Variants in ATP6V1H observed in about 807,000 individuals in gnomAD.
ATP6V1H encodes V-type proton ATPase subunit H.
A neutral mutation model predicts 71.7 loss-of-function variants in ATP6V1H; 39 were observed. That is an observed-to-expected ratio of 0.54 (90% CI 0.42 to 0.71). The LOEUF is 0.71. ATP6V1H is among the 30% of genes least tolerant of loss of function. ATP6V1H has a pLI of 0.00. For missense variants in ATP6V1H, 509 were observed against 594.9 expected, an observed-to-expected ratio of 0.86 and a Z score of 1.50; for synonymous variants, 192 against 199.3, an observed-to-expected ratio of 0.96 and a Z score of 0.31.
chr8:53,785,536 C>T (rs896393779), intron 9 of ATP6V1H, among the ~76,000 whole-genome samples: 5 of 152,210 alleles, frequency 3.3e-5, no homozygotes, highest in Admixed American at 6.5e-5. Context: ...CTTCTCTCAA[C>T]TCGTCAAAGT....
chr8:53,824,179 G>GAGAT (rs1315470844), intron 4 of ATP6V1H, among the ~76,000 whole-genome samples: 3 of 152,200 alleles, frequency 2.0e-5, no homozygotes, highest in African/African-American at 7.2e-5. Context: ...ACCACCATTT[G>GAGAT]AGATAGAAAG....
rs372615176 is a variant in ATP6V1H, at chr8:53,801,580, G to A, written c.677+219C>T. ...CTGGAATCTGTCTTGTTAAGCATTA[G>A]GTTCTTAAGAGGCCTTAACCTCTTA... is the stretch of plus-strand genomic sequence containing the variant. On this transcript the variant is annotated intron_variant, in intron 8 of 13. Transcript: ENST00000359530. Among the ~76,000 whole-genome samples, 89 of 151,872 alleles carry A rather than the reference G, an allele frequency of 5.9e-4. 3 individuals carry two copies. The South Asian group carries it at 0.018, about 31-fold the overall frequency.
At chr8:53,756,872 A>T (rs1379460746) in intron 11 of ATP6V1H, among the ~76,000 whole-genome samples, 1 of 152,242 alleles carries the variant, frequency 6.6e-6, no homozygotes, top group Non-Finnish European at 1.5e-5. Context: ...CACCATGCAC[A>T]ATTTCCAAAA....
intron 11 of ATP6V1H, among the ~76,000 whole-genome samples, chr8:53,762,763 G>A (rs1459879171): frequency 6.6e-6 from 1 of 152,130 alleles, no homozygotes; most frequent in African/African-American, 2.4e-5. Context: ...TCTATTCACA[G>A]ATGACATAAT....
intron 11 of ATP6V1H, among the ~76,000 whole-genome samples, chr8:53,762,179 T>A (rs571578939): frequency 1.3e-5 from 2 of 152,016 alleles, no homozygotes; most frequent in South Asian, 4.2e-4. Context: ...AGCACAGATA[T>A]AAACTACTTC....
intron 11 of ATP6V1H, among the ~76,000 whole-genome samples, chr8:53,756,950 T>C (rs1048821145): frequency 2.0e-5 from 3 of 152,146 alleles, no homozygotes; most frequent in Non-Finnish European, 2.9e-5. Flanking sequence ...AAACTACCAA[T>C]AGATCTTTTC....
At chr8:53,820,396 C>CA (rs201422531) in intron 4 of ATP6V1H, among the ~76,000 whole-genome samples, 52 of 143,084 alleles carry the variant, frequency 3.6e-4, no homozygotes, top group East Asian at 3.0e-3. Flanking sequence ...AAAATGAGAC[C>CA]AAAAAAAAAA....
intron 2 of ATP6V1H, among the ~76,000 whole-genome samples, chr8:53,834,254 A>C (rs769723999): frequency 4.6e-5 from 7 of 152,220 alleles, no homozygotes; most frequent in Admixed American, 2.0e-4. Flanking sequence ...CCAGTAAAAC[A>C]GCAACTATGA....
intron 7 of ATP6V1H, among the ~76,000 whole-genome samples, chr8:53,809,958 T>C (rs557010613): frequency 1.4e-4 from 21 of 152,128 alleles, no homozygotes; most frequent in Non-Finnish European, 2.8e-4. Context: ...GCCTAACATA[T>C]GAGTCATCAA....
In ATP6V1H at chr8:53,825,328, C is replaced by T. The variant is rs144176868; in HGVS notation, c.306+4116G>A. 6.4e-3 allele frequency among the ~76,000 whole-genome samples: 970 copies of T among 152,126 alleles called. 4 individuals carry two copies. The highest frequency in any genetic ancestry group is 0.023 in the African/African-American group (940 of 41,528). The stretch of plus-strand genomic sequence containing the variant: ...CTAGGATTACAGGCATGAGCTACTG[C>T]CAGGCCTTGTTTTGATTTTTTTTTT... On this transcript the variant is annotated intron_variant, in intron 4 of 13. Coordinates refer to ENST00000359530, the MANE Select transcript of ATP6V1H (RefSeq NM_015941.4).
At chr8:53,787,830 T>C (rs985565168) in intron 9 of ATP6V1H, among the ~76,000 whole-genome samples, 1 of 152,156 alleles carries the variant, frequency 6.6e-6, no homozygotes, top group Non-Finnish European at 1.5e-5. Context: ...ATAAGTGAGA[T>C]TGACATTTTC....
chr8:53,762,323 C>A (rs1002336329), intron 11 of ATP6V1H, among the ~76,000 whole-genome samples: 7 of 151,594 alleles, frequency 4.6e-5, no homozygotes, highest in Admixed American at 1.3e-4. Flanking sequence ...GTAACATTAT[C>A]CAAAGGAAAT....
Position 53,813,792 on chromosome 8 carries a change from TAGAGCTAGAA to T in ATP6V1H, c.525+860_525+869del, listed in dbSNP as rs540137187. Among the ~76,000 whole-genome samples, 377 of 152,200 alleles carry T rather than the reference TAGAGCTAGAA, an allele frequency of 2.5e-3. 4 individuals carry two copies. Among genetic ancestry groups the T allele is most frequent in the African/African-American group, 8.4e-3 (350 of 41,516 alleles). On this transcript the variant is annotated intron_variant, in intron 6 of 13. Coordinates refer to ENST00000359530, the MANE Select transcript of ATP6V1H (RefSeq NM_015941.4). The stretch of plus-strand genomic sequence containing the variant: ...CAGGCTATCTTCCTCCACGAAGACA[TAGAGCTAGAA>T]AGGCCTGCAAGCAACCAACATGACC...
intron 13 of ATP6V1H, among the ~76,000 whole-genome samples, chr8:53,734,929 C>A (rs746369596): frequency 1.3e-5 from 2 of 152,230 alleles, no homozygotes; most frequent in African/African-American, 2.4e-5. Context: ...TGTGCCACAA[C>A]TGCGAGGAGC....
intron 3 of ATP6V1H, among the ~76,000 whole-genome samples, chr8:53,831,148 C>T (rs1429322943): frequency 6.6e-6 from 1 of 152,150 alleles, no homozygotes; most frequent in Admixed American, 6.6e-5. Context: ...AAAAAACATA[C>T]AGCCATGTGT....
Position 53,756,594 on chromosome 8 carries a change from T to A in ATP6V1H, c.1238A>T (p.Asp413Val). 6.2e-7 allele frequency: 1 copy of A among 1,614,118 alleles called. No individual in the cohort carries two copies. Among genetic ancestry groups the A allele is most frequent in the Non-Finnish European group, 8.5e-7 (1 of 1,179,998 alleles). The change falls in exon 12 of 14, where the codon GAT (aspartate) becomes GTT (valine). Residue 413 changes from aspartate to valine, a missense_variant. Asp to Val is a radical substitution (Grantham distance 152). Coordinates refer to ENST00000359530, the MANE Select transcript of ATP6V1H (RefSeq NM_015941.4). ...DPQVLAVAAHDVGEYVRHYPR... is the reference protein window; with the variant it reads ...DPQVLAVAAHVVGEYVRHYPR... ...ATAATGCCGCACATATTCTCCAACA[T>A]CGTGAGCAGCAACAGCTAAGACTTG...
intron 9 of ATP6V1H, among the ~76,000 whole-genome samples, chr8:53,779,619 AAATT>A (rs1317439787): frequency 6.6e-6 from 1 of 151,740 alleles, no homozygotes; most frequent in Non-Finnish European, 1.5e-5. Flanking sequence ...CTTTCTAAAC[AAATT>A]ATTTTCTGAG....
intron 9 of ATP6V1H, among the ~76,000 whole-genome samples, chr8:53,785,027 C>G (rs1374852062): frequency 6.6e-6 from 1 of 152,068 alleles, no homozygotes; most frequent in East Asian, 1.9e-4. Flanking sequence ...TGGAGTTGCT[C>G]TTCTCGAGGA....
intron 12 of ATP6V1H, among the ~76,000 whole-genome samples, chr8:53,755,750 T>A (rs1808027718): frequency 6.6e-5 from 2 of 30,256 alleles, no homozygotes; most frequent in South Asian, 1.2e-3. Context: ...ATATATTTTT[T>A]TTTTTTTTTT....
Sources: gnomAD v4.1 joint callset for allele counts (sites outside exome capture counted in the v4.1 genomes callset) on GRCh38, gnomAD v4.1.1 for gene constraint, MANE v1.5 for transcripts, NCBI Gene and HGNC (gene_info 2026-07-23, HGNC 2026-07-21) for gene names.